MICAL2: variants seen among roughly 807,000 people sequenced by gnomAD.
MICAL2 encodes the protein [F-actin]-monooxygenase MICAL2.
A neutral mutation model predicts 127.3 loss-of-function variants in MICAL2; 77 were observed. The observed-to-expected ratio is 0.60, with a 90% CI of 0.50 to 0.73. The LOEUF (loss-of-function observed/expected upper bound fraction) is 0.73. Among genes scored for constraint, MICAL2 ranks in the 30% least tolerant of loss-of-function variants. MICAL2 has a pLI of 0.00. For missense variants in MICAL2, 1,351 were observed against 1,434.4 expected, an observed-to-expected ratio of 0.94 and a Z score of 0.94; for synonymous variants, 570 against 551.1, an observed-to-expected ratio of 1.03 and a Z score of -0.48.
At chr11:12,350,814 T>C (rs902795558) in intron 33 of MICAL2, among the ~76,000 whole-genome samples, 1 of 152,226 alleles carries the variant, frequency 6.6e-6, no homozygotes, top group Non-Finnish European at 1.5e-5. Flanking sequence ...TGCCACAGAC[T>C]GGATGGCTTA....
intron 2 of MICAL2, among the ~76,000 whole-genome samples, chr11:12,140,129 A>T (rs1000088588): frequency 1.3e-5 from 2 of 152,244 alleles, no homozygotes; most frequent in South Asian, 4.1e-4. Flanking sequence ...CCAAATAGGT[A>T]CCTTGGATTA....
intron 30 of MICAL2, among the ~76,000 whole-genome samples, chr11:12,323,420 G>T (rs1430159381): frequency 6.6e-6 from 1 of 151,874 alleles, no homozygotes; most frequent in Non-Finnish European, 1.5e-5. Context: ...GTTGTTAACT[G>T]GTTTTCATGT....
At chr11:12,215,194 C>G (rs769622269) in intron 7 of MICAL2, among the ~76,000 whole-genome samples, 7 of 152,180 alleles carry the variant, frequency 4.6e-5, no homozygotes, top group Non-Finnish European at 7.3e-5. Context: ...TTCCACGTTT[C>G]AGTGAACTTC....
At chr11:12,298,055 C>T (rs1345570277) in intron 29 of MICAL2, among the ~76,000 whole-genome samples, 1 of 151,032 alleles carries the variant, frequency 6.6e-6, no homozygotes, top group Admixed American at 6.6e-5. Flanking sequence ...TGTCTATCTA[C>T]CAAAAAAAAA....
chr11:12,124,668 A>G (rs1316049124), intron 1 of MICAL2, among the ~76,000 whole-genome samples: 1 of 152,164 alleles, frequency 6.6e-6, no homozygotes, highest in Non-Finnish European at 1.5e-5. Context: ...AAACAAAACA[A>G]AAACACTAAA....
At chr11:12,116,786 G>A (rs1428638108) in intron 1 of MICAL2, 2 of 152,168 alleles carry the variant, frequency 1.3e-5, no homozygotes, top group African/African-American at 4.8e-5. Context: ...CTCAAATGAA[G>A]AGCCTTTTGT....
At chr11:12,200,449 C>G (rs10831760) in intron 3 of MICAL2, among the ~76,000 whole-genome samples, 16,928 of 152,208 alleles carry the variant, frequency 0.11, 1,060 homozygotes, top group African/African-American at 0.17. Flanking sequence ...CTCTCCCACT[C>G]CTCTGCCCGG....
In MICAL2 at chr11:12,204,404, T is replaced by C. The variant is rs777645256; in HGVS notation, c.419T>C (p.Leu140Pro). ...WPFTIHDLRG[L>P]GAKKFYGKFC... is the part of the protein sequence containing the mutation. Reference sequence around the variant, plus strand: ...TTCACCATCCATGACCTTCGTGGCCTGGGAGCCAAGAAGTTCTATGGGAAG... The same window carrying C: ...TTCACCATCCATGACCTTCGTGGCCCGGGAGCCAAGAAGTTCTATGGGAAG... The change falls in exon 4 of 28, where the codon CTG becomes CCG. Residue 140 changes from leucine to proline, a missense_variant. Transcript: ENST00000683283. 9 of 1,614,070 alleles carry C rather than the reference T, an allele frequency of 5.6e-6. No homozygotes were observed. Among genetic ancestry groups the C allele is most frequent in the Admixed American group, 1.7e-5 (1 of 60,010 alleles).
chr11:12,183,992 C>A (rs1407926793), intron 3 of MICAL2, among the ~76,000 whole-genome samples: 3 of 152,168 alleles, frequency 2.0e-5, no homozygotes, highest in Admixed American at 1.3e-4. Flanking sequence ...GTTGCCCAGG[C>A]TGGTCTTGAA....
At chr11:12,334,342 T>G (rs1340407980) in intron 32 of MICAL2, among the ~76,000 whole-genome samples, 2 of 152,190 alleles carry the variant, frequency 1.3e-5, no homozygotes, top group African/African-American at 4.8e-5. Flanking sequence ...TGTAAATAGT[T>G]GTTATACCAT....
intron 1 of MICAL2, among the ~76,000 whole-genome samples, chr11:12,111,028 T>A (rs1388367618): frequency 6.6e-6 from 1 of 152,110 alleles, no homozygotes; most frequent in Non-Finnish European, 1.5e-5. Flanking sequence ...GTTCCAAGCC[T>A]AGAAAATCGC....
intron 3 of MICAL2, among the ~76,000 whole-genome samples, chr11:12,183,464 C>A (rs998375552): frequency 6.6e-6 from 1 of 152,202 alleles, no homozygotes; most frequent in Non-Finnish European, 1.5e-5. Context: ...CAGCTCAGAG[C>A]CCAGAATCTA....
At chr11:12,209,356 T>C in intron 5 of MICAL2, 141 bp from the exon 6 acceptor site, 1 of 713,002 alleles carries the variant, frequency 1.4e-6, no homozygotes, top group Non-Finnish European at 2.5e-6. Context: ...TCTGGACTGC[T>C]CTAGCCTTTC....
At chr11:12,282,093 AG>A (rs1210209672) in intron 2 of MICAL2, among the ~76,000 whole-genome samples, 1 of 152,228 alleles carries the variant, frequency 6.6e-6, no homozygotes, top group African/African-American at 2.4e-5. Flanking sequence ...ATGGTTTCCC[AG>A]GAAGACGAGG....
intron 3 of MICAL2, among the ~76,000 whole-genome samples, chr11:12,173,279 G>A (rs537864769): frequency 3.0e-4 from 46 of 152,296 alleles, no homozygotes; most frequent in African/African-American, 9.9e-4. Context: ...AATCTGCAGT[G>A]GAAAGATTTT....
intron 1 of MICAL2, among the ~76,000 whole-genome samples, chr11:12,134,718 C>CA (rs1270325217): frequency 1.3e-5 from 2 of 152,144 alleles, no homozygotes; most frequent in African/African-American, 4.8e-5. Flanking sequence ...AAATGGGATG[C>CA]ATAGCTTATG....
chr11:12,294,808 T>C (rs552921390), downstream of MICAL2: 1 of 1,480,856 alleles, frequency 6.8e-7, no homozygotes, highest in South Asian at 1.4e-5. Flanking sequence ...CTCCTCCTCC[T>C]CCTCCTCCTC....
At chr11:12,335,589 C>A (rs1488358622) in intron 32 of MICAL2, among the ~76,000 whole-genome samples, 1 of 152,058 alleles carries the variant, frequency 6.6e-6, no homozygotes, top group Admixed American at 6.6e-5. Flanking sequence ...GGTTTTAGGT[C>A]TAACATGTAA....
At chr11:12,291,974 T>C (rs556144984), downstream of MICAL2, among the ~76,000 whole-genome samples, 1 of 152,334 alleles carries the variant, frequency 6.6e-6, no homozygotes, top group East Asian at 1.9e-4. Context: ...GCCACTGCTC[T>C]ACCCATTCCT....
Sources: gnomAD v4.1 joint callset for allele counts (sites outside exome capture counted in the v4.1 genomes callset) on GRCh38, gnomAD v4.1.1 for gene constraint, MANE v1.5 for transcripts, NCBI Gene and HGNC (gene_info 2026-07-23, HGNC 2026-07-21) for gene names.